The following GFRA2 variants were observed in gnomAD, a reference collection of about 807,000 sequenced individuals.
The protein encoded by GFRA2 is GDNF family receptor alpha 2.
Under a neutral mutation model 48.3 loss-of-function variants are expected in GFRA2, and 17 were observed. The observed-to-expected ratio is 0.35, with a 90% CI of 0.24 to 0.53. The LOEUF (loss-of-function observed/expected upper bound fraction) is 0.53. Ranked by LOEUF, GFRA2 falls within the 20% of genes least tolerant of loss-of-function variation. The pLI is 0.93. For synonymous variants in GFRA2, 305 were observed against 257.2 expected, an observed-to-expected ratio of 1.19 and a Z score of -1.78; for missense variants, 660 against 637.3, an observed-to-expected ratio of 1.04 and a Z score of -0.38.
chr8:21,751,415 A>G (rs1247375405), intron 3 of GFRA2, among the ~76,000 whole-genome samples: 1 of 152,186 alleles, frequency 6.6e-6, no homozygotes, highest in Non-Finnish European at 1.5e-5. Context: ...CAGCACACAC[A>G]TGCCCTCCTG....
At chr8:21,801,013 G>A (rs1482087470) in intron 2 of GFRA2, among the ~76,000 whole-genome samples, 2 of 152,072 alleles carry the variant, frequency 1.3e-5, no homozygotes, top group Admixed American at 6.5e-5. Context: ...AAGGAGAACA[G>A]GGAAGGAGAT....
At chr8:21,722,869 C>T (rs1419425417) in intron 4 of GFRA2, among the ~76,000 whole-genome samples, 1 of 152,222 alleles carries the variant, frequency 6.6e-6, no homozygotes, top group African/African-American at 2.4e-5. Context: ...GTAGGCAGTG[C>T]ATGCACCAGG....
chr8:21,790,142 G>A (rs1041758620), upstream of GFRA2: 18 of 973,882 alleles, frequency 1.8e-5, 1 homozygote, highest in Non-Finnish European at 2.1e-5. Flanking sequence ...GCTGGGAAAG[G>A]GCTGGAGGAG....
chr8:21,705,764 A>T (rs1042640995), intron 5 of GFRA2, among the ~76,000 whole-genome samples, 168 bp downstream of exon 5: 1 of 152,206 alleles, frequency 6.6e-6, no homozygotes, highest in African/African-American at 2.4e-5. Flanking sequence ...GCCTTGTTAC[A>T]AAACTGCCTT....
At chr8:21,780,166 C>T (rs1417665901) in intron 2 of GFRA2, among the ~76,000 whole-genome samples, 8 of 151,914 alleles carry the variant, frequency 5.3e-5, no homozygotes, top group Non-Finnish European at 1.0e-4. Flanking sequence ...TGCTCCCTAG[C>T]CAGGCTCCTC....
At position 21,690,750 on chromosome 8, in the gene GFRA2, A is replaced by C. The variant is rs1187943902; in HGVS notation, c.*2528T>G. 1 of 152,374 alleles carries C rather than the reference A, an allele frequency of 6.6e-6. No individual in the cohort carries two copies. Among genetic ancestry groups the C allele is most frequent in the African/African-American group, 2.4e-5 (1 of 41,468 alleles). The allele number at this position is 152,374 out of a possible 1,614,324, so 9.4% of individuals were successfully genotyped here. On this transcript the variant is annotated 3_prime_UTR_variant, in exon 9 of 9. Transcript: ENST00000524240. ...TTCAGCCAGATGGGCAATGGTTGGCAGCAGAATGCTGACCCTGTACATCCT... is the reference window on the plus strand; with the variant it reads ...TTCAGCCAGATGGGCAATGGTTGGCCGCAGAATGCTGACCCTGTACATCCT...
At chr8:21,789,686 G>A (rs1217575891), upstream of GFRA2, among the ~76,000 whole-genome samples, 1 of 151,878 alleles carries the variant, frequency 6.6e-6, no homozygotes, top group Non-Finnish European at 1.5e-5. Context: ...CTCTCCGCGC[G>A]GACCTCGGGA....
chr8:21,759,485 AGAAG>A (rs1161834899), intron 3 of GFRA2, among the ~76,000 whole-genome samples: 7,800 of 71,670 alleles, frequency 0.11, 462 homozygotes, highest in Non-Finnish European at 0.12. Context: ...AAAGAAGGAA[AGAAG>A]GAAGGAAGGA....
upstream of GFRA2, among the ~76,000 whole-genome samples, chr8:21,793,471 A>G (rs1807613901): frequency 6.6e-6 from 1 of 152,146 alleles, no homozygotes; most frequent in Non-Finnish European, 1.5e-5. Context: ...AGACAAAGTG[A>G]CCAGCCTAGC....
intron 3 of GFRA2, among the ~76,000 whole-genome samples, chr8:21,754,752 G>A (rs1449988788): frequency 2.0e-5 from 3 of 151,920 alleles, no homozygotes; most frequent in South Asian, 2.1e-4. Flanking sequence ...CAGGTGATCC[G>A]CCCGCCTCGG....
intron 8 of GFRA2, 142 bp from the exon 9 acceptor site, chr8:21,693,542 C>T: frequency 1.4e-6 from 1 of 702,678 alleles, no homozygotes; most frequent in Non-Finnish European, 2.3e-6. Context: ...CACAGGGACC[C>T]TCCTTTGCAC....
Position 21,694,456 on chromosome 8 carries a change from C to A in GFRA2, c.1272+8G>T, listed in dbSNP as rs199943879. On this transcript the variant is annotated splice_region_variant and intron_variant, in intron 8 of 8. Transcript: ENST00000524240. The stretch of plus-strand genomic sequence containing the variant: ...TCTGCACCCATCCCCACTCTGCCCC[C>A]AACTCACCTCTGTGAAGCACATGCT... 1.2e-6 allele frequency: 2 copies of A among 1,611,434 alleles called. No homozygotes were observed. The highest frequency in any genetic ancestry group is 1.3e-5 in the African/African-American group (1 of 75,016).
Position 21,788,291 on chromosome 8 carries a change from C to A in GFRA2, c.-132G>T. The stretch of plus-strand genomic sequence containing the variant: ...TCCAATGCGGAGATCCCAGCTAGTC[C>A]ACCCGATGAAGATCCCGAGTCCTGC... On this transcript the variant is annotated 5_prime_UTR_variant, in exon 1 of 9. Transcript: ENST00000524240. The A allele has an allele frequency of 7.2e-7, 1 of 1,389,092 alleles. No individual in the cohort carries two copies. Among genetic ancestry groups the A allele is most frequent in the Non-Finnish European group, 9.4e-7 (1 of 1,067,880 alleles). 86.0% of individuals were successfully genotyped at this position (1,389,092 alleles called of 1,614,324 possible).
At chr8:21,721,932 G>T (rs753426324) in intron 4 of GFRA2, among the ~76,000 whole-genome samples, 1 of 152,190 alleles carries the variant, frequency 6.6e-6, no homozygotes, top group African/African-American at 2.4e-5. Flanking sequence ...AGAGAAAACT[G>T]CGTAGACAAA....
chr8:21,735,560 G>GTC (rs60300083), intron 4 of GFRA2, among the ~76,000 whole-genome samples: 10,213 of 152,236 alleles, frequency 0.067, 946 homozygotes, highest in African/African-American at 0.21. Context: ...CTGGTGCTGA[G>GTC]TGGTCTCTCT....
At chr8:21,770,186 G>A (rs964175662) in intron 3 of GFRA2, among the ~76,000 whole-genome samples, 7 of 152,176 alleles carry the variant, frequency 4.6e-5, no homozygotes, top group African/African-American at 7.2e-5. Flanking sequence ...CTATCCCAGC[G>A]TGAAAGGTGG....
At position 21,718,368 on chromosome 8, in the gene GFRA2, G is replaced by A. The variant is rs75272532; in HGVS notation, c.795-12327C>T. On this transcript the variant is annotated intron_variant, in intron 4 of 8. Transcript: ENST00000524240. Reference sequence around the variant, plus strand: ...CCCAGCCATATGGAACCGTAAGTCCGGTTAAACCTCTTTCTTTTGTGAATT... The same window carrying A: ...CCCAGCCATATGGAACCGTAAGTCCAGTTAAACCTCTTTCTTTTGTGAATT... Among the ~76,000 whole-genome samples, 229 of 152,314 alleles carry A rather than the reference G, an allele frequency of 1.5e-3. 1 individual carries two copies. The highest frequency in any genetic ancestry group is 3.4e-3 in the Middle Eastern group (1 of 294).
intron 1 of GFRA2, among the ~76,000 whole-genome samples, chr8:21,807,505 TGTAAACTGG>T (rs1305763540): frequency 6.6e-6 from 1 of 152,244 alleles, no homozygotes; most frequent in Non-Finnish European, 1.5e-5. Flanking sequence ...GACAAAGTAC[TGTAAACTGG>T]GTAGCTTAAA....
chr8:21,749,374 T>C (rs942325428), intron 4 of GFRA2, among the ~76,000 whole-genome samples: 4 of 152,058 alleles, frequency 2.6e-5, no homozygotes, highest in African/African-American at 9.7e-5. Flanking sequence ...ACGTGGGTAT[T>C]TTTACTCCTA....
Sources: gnomAD v4.1 joint callset for allele counts (sites outside exome capture counted in the v4.1 genomes callset) on GRCh38, gnomAD v4.1.1 for gene constraint, MANE v1.5 for transcripts, NCBI Gene and HGNC (gene_info 2026-07-23, HGNC 2026-07-21) for gene names.